The following SMC5 variants were observed in gnomAD, a reference collection of about 807,000 sequenced individuals.
The protein encoded by SMC5 is structural maintenance of chromosomes protein 5.
Under a neutral mutation model 148.3 loss-of-function variants are expected in SMC5, and 88 were observed. That is an observed-to-expected ratio of 0.59 (90% confidence interval 0.50 to 0.71). The LOEUF is 0.71. Ranked by LOEUF, SMC5 falls within the 30% of genes least tolerant of loss-of-function variation. The pLI is 0.00. For missense variants in SMC5, 1,142 were observed against 1,298.9 expected (o/e 0.88, Z 1.86); for synonymous variants, 421 against 432.8 (o/e 0.97, Z 0.34).
chr9:70,281,621 G>C (rs1000911949), intron 6 of SMC5, among the ~76,000 whole-genome samples: 1 of 152,144 alleles, frequency 6.6e-6, no homozygotes, highest in Non-Finnish European at 1.5e-5. Flanking sequence ...TGTAGTGTTT[G>C]TTCCAAGGTT....
chr9:70,309,586 C>T (rs1303945280), intron 11 of SMC5, among the ~76,000 whole-genome samples: 1 of 151,966 alleles, frequency 6.6e-6, no homozygotes, highest in Non-Finnish European at 1.5e-5. Context: ...CTCAAGAAAC[C>T]ATTTTCTTTG....
intron 3 of SMC5, among the ~76,000 whole-genome samples, chr9:70,276,895 T>C (rs2034607755): frequency 6.6e-6 from 1 of 152,194 alleles, no homozygotes; most frequent in Non-Finnish European, 1.5e-5. Flanking sequence ...TTCATTCATA[T>C]GTTTTCTGAG....
chr9:70,282,880 A>G (rs1236763235), intron 7 of SMC5, among the ~76,000 whole-genome samples: 2 of 152,164 alleles, frequency 1.3e-5, no homozygotes, highest in African/African-American at 2.4e-5. Flanking sequence ...TTGTGAATAT[A>G]TTATACATCT....
intron 8 of SMC5, among the ~76,000 whole-genome samples, chr9:70,292,475 T>C (rs1163014425): frequency 6.6e-6 from 1 of 152,182 alleles, no homozygotes; most frequent in Non-Finnish European, 1.5e-5. Flanking sequence ...TATTTCTTTC[T>C]TTCTGATTTG....
intron 3 of SMC5, among the ~76,000 whole-genome samples, chr9:70,270,092 A>G (rs1324841885): frequency 1.3e-5 from 2 of 152,194 alleles, no homozygotes. Context: ...TCAGTCACAC[A>G]GGACTGCCCT....
At chr9:70,349,267 A>T (rs1038437520) in intron 22 of SMC5, among the ~76,000 whole-genome samples, 1 of 152,056 alleles carries the variant, frequency 6.6e-6, no homozygotes, top group African/African-American at 2.4e-5. Context: ...GGATTTCCCC[A>T]TGTTGGCCAG....
intron 3 of SMC5, among the ~76,000 whole-genome samples, chr9:70,268,891 C>G (rs2034367677): frequency 6.6e-6 from 1 of 152,026 alleles, no homozygotes; most frequent in African/African-American, 2.4e-5. Context: ...TTTTGATAGA[C>G]TAGAGTTGAT....
chr9:70,297,012 GTTTA>G (rs900543649), intron 8 of SMC5, among the ~76,000 whole-genome samples: 1 of 151,644 alleles, frequency 6.6e-6, no homozygotes, highest in Admixed American at 6.6e-5. Flanking sequence ...GAAGAAAATA[GTTTA>G]TTTCTGTTTC....
At chr9:70,272,427 C>G (rs903121390) in intron 3 of SMC5, among the ~76,000 whole-genome samples, 11 of 152,080 alleles carry the variant, frequency 7.2e-5, no homozygotes, top group African/African-American at 2.7e-4. Context: ...AGTAGATACT[C>G]AGGCAGAGCT....
chr9:70,279,955 C>A (rs1424464975), intron 5 of SMC5, among the ~76,000 whole-genome samples: 2 of 151,826 alleles, frequency 1.3e-5, no homozygotes, highest in African/African-American at 4.8e-5. Context: ...ATCTTGTAAC[C>A]AATTGCTTTC....
At chr9:70,323,680 G>A in intron 16 of SMC5, 74 bp downstream of exon 16, 1 of 1,472,602 alleles carries the variant, frequency 6.8e-7, no homozygotes, top group Non-Finnish European at 9.2e-7. Context: ...ATCTTTAGAG[G>A]GAGGGAAGGT....
intron 17 of SMC5, among the ~76,000 whole-genome samples, chr9:70,329,231 C>T (rs1408827973): frequency 2.0e-5 from 3 of 152,220 alleles, no homozygotes; most frequent in Admixed American, 6.5e-5. Context: ...ATTCCTTCTC[C>T]GGGAAATGGG....
intron 17 of SMC5, among the ~76,000 whole-genome samples, chr9:70,331,821 G>A (rs1408760351): frequency 6.6e-6 from 1 of 152,160 alleles, no homozygotes; most frequent in Non-Finnish European, 1.5e-5. Flanking sequence ...AAAGATGTGA[G>A]TATGTCAAAT....
At chr9:70,309,318 CTTTTTTTTTT>C (rs59694037) in intron 11 of SMC5, among the ~76,000 whole-genome samples, 132 of 79,154 alleles carry the variant, frequency 1.7e-3, no homozygotes, top group Admixed American at 2.7e-3. Context: ...TTTCCTTTTC[CTTTTTTTTTT>C]TTTTTTTTTT....
At chr9:70,286,758 C>G (rs1481724885) in intron 8 of SMC5, 1 of 148,848 alleles carries the variant, frequency 6.7e-6, no homozygotes, top group East Asian at 1.9e-4. Context: ...TCTCTGTTAC[C>G]CAGGTTGGAG....
chr9:70,313,575 G>A (rs927228179), intron 11 of SMC5, among the ~76,000 whole-genome samples: 1 of 152,022 alleles, frequency 6.6e-6, no homozygotes, highest in Admixed American at 6.6e-5. Context: ...TTGGCTAACT[G>A]CAACCGCTGC....
intron 8 of SMC5, 141 bp from the exon 9 acceptor site, chr9:70,297,825 A>T: frequency 1.2e-6 from 1 of 859,636 alleles, no homozygotes; most frequent in Non-Finnish European, 1.8e-6. Flanking sequence ...GTAATGTGCT[A>T]GTCTAATTCT....
At chr9:70,291,867 A>G (rs1002890569) in intron 8 of SMC5, among the ~76,000 whole-genome samples, 1 of 152,048 alleles carries the variant, frequency 6.6e-6, no homozygotes, top group African/African-American at 2.4e-5. Flanking sequence ...TGCCATTATA[A>G]AAGAGCTCCA....
At chr9:70,278,193 A>C (rs1291044006) in intron 4 of SMC5, among the ~76,000 whole-genome samples, 1 of 152,030 alleles carries the variant, frequency 6.6e-6, no homozygotes, top group Non-Finnish European at 1.5e-5. Context: ...TGTAATAGAC[A>C]GTGATCATTT....
Sources: gnomAD v4.1 joint callset for allele counts (sites outside exome capture counted in the v4.1 genomes callset) on GRCh38, gnomAD v4.1.1 for gene constraint, MANE v1.5 for transcripts, NCBI Gene and HGNC (gene_info 2026-07-23, HGNC 2026-07-21) for gene names.